The following MLLT10 variants were observed in gnomAD, a reference collection of about 807,000 sequenced individuals.
MLLT10 encodes protein AF-10.
A neutral mutation model predicts 129.1 loss-of-function variants in MLLT10; 30 were observed. That is an observed-to-expected ratio of 0.23 (90% CI 0.17 to 0.32). The LOEUF (loss-of-function observed/expected upper bound fraction) is 0.32, where lower values mean the gene tolerates loss of function less well. MLLT10 is among the 10% of genes least tolerant of loss of function. MLLT10 has a pLI of 1.00. For synonymous variants in MLLT10, 490 were observed against 446.4 expected, an observed-to-expected ratio of 1.10 and a Z score of -1.23; for missense variants, 1,119 against 1,268.3, an observed-to-expected ratio of 0.88 and a Z score of 1.79.
At chr10:21,557,802 G>C (rs895774274) in intron 3 of MLLT10, 3 of 152,000 alleles carry the variant, frequency 2.0e-5, no homozygotes, top group Non-Finnish European at 2.9e-5. Flanking sequence ...ACCCTCACTA[G>C]AACTACATAG....
chr10:21,736,016 C>T (rs557492856), intron 21 of MLLT10, among the ~76,000 whole-genome samples: 2 of 152,270 alleles, frequency 1.3e-5, no homozygotes, highest in South Asian at 4.1e-4. Context: ...TTCTCTCACC[C>T]AGTGCTAATA....
chr10:21,578,598 T>C (rs2041039086), intron 3 of MLLT10, among the ~76,000 whole-genome samples: 3 of 152,218 alleles, frequency 2.0e-5, no homozygotes, highest in African/African-American at 7.2e-5. Flanking sequence ...AGCTCTTACA[T>C]TTAGATCTGC....
At chr10:21,562,805 C>CTTTTTTTT (rs1564415882) in intron 3 of MLLT10, among the ~76,000 whole-genome samples, 1 of 112,260 alleles carries the variant, frequency 8.9e-6, no homozygotes, top group Non-Finnish European at 1.8e-5. Flanking sequence ...CTTACATATA[C>CTTTTTTTT]TTTGTTTTTT....
At chr10:21,574,036 T>G (rs943390003) in intron 3 of MLLT10, among the ~76,000 whole-genome samples, 3 of 152,194 alleles carry the variant, frequency 2.0e-5, no homozygotes, top group African/African-American at 7.2e-5. Context: ...AAGCATTGTC[T>G]TCTCTGTTTT....
chr10:21,658,840 AT>A (rs932995444), intron 9 of MLLT10, among the ~76,000 whole-genome samples: 1 of 151,638 alleles, frequency 6.6e-6, no homozygotes, highest in Non-Finnish European at 1.5e-5. Context: ...ATTTTTTTGT[AT>A]TTTTTTAGTA....
intron 4 of MLLT10, among the ~76,000 whole-genome samples, chr10:21,592,293 C>T (rs1479066625): frequency 2.6e-5 from 4 of 152,078 alleles, no homozygotes; most frequent in Non-Finnish European, 5.9e-5. Context: ...AATCATTTTC[C>T]TATTACTCAA....
chr10:21,670,674 A>C lies in MLLT10; in HGVS notation c.1021A>C (p.Thr341Pro). 1 of 1,614,090 alleles carries C rather than the reference A, an allele frequency of 6.2e-7. No homozygotes were observed. Among genetic ancestry groups the C allele is most frequent in the Non-Finnish European group, 8.5e-7 (1 of 1,180,012 alleles). ...KPGGGRNPGT[T>P]VSAASPFPQG... ...TGGTGGTGGAAGAAATCCAGGAACA[A>C]CTGTGTCAGCAGCTAGCCCTTTTCC... The change falls in exon 10 of 23, where the codon ACT becomes CCT. Residue 341 changes from threonine to proline, a missense_variant. Transcript: ENST00000307729.
intron 3 of MLLT10, among the ~76,000 whole-genome samples, chr10:21,579,539 C>G (rs2041158175): frequency 6.7e-6 from 1 of 150,030 alleles, no homozygotes; most frequent in African/African-American, 2.5e-5. Context: ...TTTGTTTTAC[C>G]TCTATTTCCT....
At chr10:21,540,588 A>G (rs1006817517) in intron 3 of MLLT10, among the ~76,000 whole-genome samples, 2 of 152,136 alleles carry the variant, frequency 1.3e-5, no homozygotes, top group Non-Finnish European at 2.9e-5. Context: ...TGTATCCACA[A>G]GCATTTTTCC....
At chr10:21,612,037 G>A (rs187060163) in intron 5 of MLLT10, among the ~76,000 whole-genome samples, 3 of 152,282 alleles carry the variant, frequency 2.0e-5, no homozygotes, top group African/African-American at 4.8e-5. Context: ...GGGAAGAAGA[G>A]GTGTGGTAGA....
chr10:21,682,221 A>G lies in MLLT10; in HGVS notation c.1667-4A>G, dbSNP rs1302471724. ...CCTGAAGTCCTTTTTTCCTTACTTAAAAGCGTTCTCAGAGTTGCTGAATGC... is the reference window on the plus strand; with the variant it reads ...CCTGAAGTCCTTTTTTCCTTACTTAGAAGCGTTCTCAGAGTTGCTGAATGC... On this transcript the variant is annotated splice_polypyrimidine_tract_variant and splice_region_variant and intron_variant, in intron 12 of 22. Transcript: ENST00000307729. 1 of 1,609,250 alleles carries G rather than the reference A, an allele frequency of 6.2e-7. No individual in the cohort carries two copies. Among genetic ancestry groups the G allele is most frequent in the Non-Finnish European group, 8.5e-7 (1 of 1,178,276 alleles).
chr10:21,542,614 G>A (rs917325113), intron 3 of MLLT10, among the ~76,000 whole-genome samples: 10 of 152,136 alleles, frequency 6.6e-5, no homozygotes, highest in Admixed American at 3.9e-4. Context: ...AGTGGCTTGC[G>A]CCTATAATCC....
intron 9 of MLLT10, among the ~76,000 whole-genome samples, chr10:21,659,268 C>T (rs927700654): frequency 6.6e-6 from 1 of 152,078 alleles, no homozygotes; most frequent in Non-Finnish European, 1.5e-5. Context: ...AGTATATAGT[C>T]ACACAGCCCA....
chr10:21,658,155 C>A (rs1284367474), intron 9 of MLLT10, among the ~76,000 whole-genome samples: 1 of 152,146 alleles, frequency 6.6e-6, no homozygotes, highest in Non-Finnish European at 1.5e-5. Flanking sequence ...ATACATTGCA[C>A]ATATTTAAAA....
intron 11 of MLLT10, among the ~76,000 whole-genome samples, chr10:21,674,463 A>G (rs1044454072): frequency 6.6e-6 from 1 of 152,140 alleles, no homozygotes; most frequent in Admixed American, 6.5e-5. Flanking sequence ...ATTTCAGGAG[A>G]TATCTGAAAT....
chr10:21,684,464 A>C (rs559884872), intron 13 of MLLT10, among the ~76,000 whole-genome samples: 5 of 152,100 alleles, frequency 3.3e-5, no homozygotes, highest in African/African-American at 1.2e-4. Flanking sequence ...TAGGAAGTTA[A>C]CTTCAACTCT....
At chr10:21,646,077 C>T (rs926442090) in intron 8 of MLLT10, among the ~76,000 whole-genome samples, 3 of 152,110 alleles carry the variant, frequency 2.0e-5, no homozygotes, top group Non-Finnish European at 4.4e-5. Flanking sequence ...TGGTGGTACA[C>T]ACCTGTAATC....
chr10:21,733,134 A>G lies in MLLT10; in HGVS notation c.2407+47A>G, dbSNP rs922310898. On this transcript the variant is annotated intron_variant, in intron 18 of 22. Transcript: ENST00000307729. ...TTGTATCTAAGGAAAATAGGCTTTC[A>G]GTTTTATTTGTATTATAAGTGAGTA... The G allele has an allele frequency of 2.6e-6, 4 of 1,524,662 alleles. No individual in the cohort carries two copies. The South Asian group carries it at 3.7e-5, about 14-fold the overall frequency. 94.4% of individuals were successfully genotyped at this position (1,524,662 alleles called of 1,614,324 possible). A position where few individuals can be genotyped will look rare whatever the true frequency, so the allele number is the denominator to read the frequency against.
intron 5 of MLLT10, among the ~76,000 whole-genome samples, chr10:21,611,746 C>T (rs1356452476): frequency 1.3e-5 from 2 of 152,166 alleles, no homozygotes; most frequent in African/African-American, 4.8e-5. Flanking sequence ...GGCTTTGTAT[C>T]TCTTGGGCAT....
Sources: allele counts gnomAD v4.1 joint callset (sites outside exome capture counted in the v4.1 genomes callset), GRCh38; gene constraint gnomAD v4.1.1; transcripts MANE v1.5; gene names NCBI Gene and HGNC (gene_info 2026-07-23, HGNC 2026-07-21).